Variants in MYO15B observed in about 807,000 individuals in gnomAD.
MYO15B encodes myosin XVB pseudogene.
Under a neutral mutation model 119.3 loss-of-function variants are expected in MYO15B, and 207 were observed. The observed-to-expected ratio is 1.73, with a 90% CI of 1.55 to 1.95. The LOEUF (loss-of-function observed/expected upper bound fraction) is 1.95. MYO15B is among the 30% of genes most tolerant of loss of function. The probability of loss-of-function intolerance (pLI) is 0.00; values close to 1 mark genes in which losing one functional copy is unlikely to be tolerated. For missense variants in MYO15B, 2,264 were observed against 1,203.1 expected (o/e 1.88, Z -13.04); for synonymous variants, 966 against 498.9 (o/e 1.94, Z -12.48).
chr17:75,592,400 G>A, intron 7 of MYO15B, 28 bp from the exon 8 acceptor site: 1 of 672,484 alleles, frequency 1.5e-6, no homozygotes, highest in South Asian at 1.6e-5. Flanking sequence ...CTAGGGCACT[G>A]AGCCCCTAAG....
intron 61 of MYO15B, 33 bp downstream of exon 61, chr17:75,625,693 G>A (rs1448187975): frequency 1.4e-6 from 1 of 702,414 alleles, no homozygotes; most frequent in Admixed American, 2.0e-5. Flanking sequence ...GCTGGGTGGG[G>A]GCTGGAGGCC....
chr17:75,622,142 G>C, intron 53 of MYO15B, 62 bp downstream of exon 53: 1 of 694,524 alleles, frequency 1.4e-6, no homozygotes. Flanking sequence ...GCCTGAAGGA[G>C]ATCCCCTTCT....
At chr17:75,595,499 G>A (rs1055506573) in intron 12 of MYO15B, among the ~76,000 whole-genome samples, 1 of 152,190 alleles carries the variant, frequency 6.6e-6, no homozygotes, top group African/African-American at 2.4e-5. Flanking sequence ...TGGGCAAGTG[G>A]ATGAACCTTT....
chr17:75,591,454 C>T (rs1042896284), intron 4 of MYO15B, 147 bp from the exon 5 acceptor site: 4 of 633,342 alleles, frequency 6.3e-6, no homozygotes, highest in Admixed American at 4.9e-5. Flanking sequence ...TGTCGGGTCT[C>T]TCCATGCCCT....
chr17:75,616,292 G>A lies in MYO15B; in HGVS notation c.6110-20G>A. On this transcript the variant is annotated intron_variant, in intron 37 of 63. Transcript: ENST00000645453. The stretch of plus-strand genomic sequence containing the variant: ...CTGGGCCAGTATGGGTAACTTTGAA[G>A]GCCATCTGGACACTTGCAGGGCAGC... 1 of 600,236 alleles carries A rather than the reference G, an allele frequency of 1.7e-6. No individual in the cohort carries two copies. Among genetic ancestry groups the A allele is most frequent in the Non-Finnish European group, 3.0e-6 (1 of 337,136 alleles). 37.2% of individuals were successfully genotyped at this position (600,236 alleles called of 1,614,324 possible). A position where few individuals can be genotyped will look rare whatever the true frequency, so the allele number is the denominator to read the frequency against.
Position 75,611,669 on chromosome 17 carries a change from T to C in MYO15B, c.4504+11T>C, listed in dbSNP as rs1310567955. 2 of 702,830 alleles carry C rather than the reference T, an allele frequency of 2.8e-6. No homozygotes were observed. Among genetic ancestry groups the C allele is most frequent in the South Asian group, 1.5e-5 (1 of 67,592 alleles). The allele number at this position is 702,830 out of a possible 1,614,324, so 43.5% of individuals were successfully genotyped here. A position where few individuals can be genotyped will look rare whatever the true frequency, so the allele number is the denominator to read the frequency against. On this transcript the variant is annotated intron_variant, in intron 24 of 63. Coordinates refer to ENST00000645453, the Ensembl canonical transcript of MYO15B. ...TGAAGACGGCGGAAAGTGAGTCTTG[T>C]TGGTGTCCTCTTGTTAGGACTCCTT...
chr17:75,605,465 G>A (rs903411802), intron 19 of MYO15B, 39 bp from the exon 20 acceptor site: 1 of 681,044 alleles, frequency 1.5e-6, no homozygotes, highest in African/African-American at 1.8e-5. Context: ...GTAAAAGGAG[G>A]TTCTGGCTAT....
intron 53 of MYO15B, 134 bp downstream of exon 53, chr17:75,622,214 G>A (rs895132905): frequency 1.6e-6 from 1 of 629,546 alleles, no homozygotes. Flanking sequence ...CGTGCAGGGG[G>A]GTGTGGCTGT....
At chr17:75,605,417 A>G (rs2057573711) in intron 19 of MYO15B, 87 bp from the exon 20 acceptor site, 1 of 642,340 alleles carries the variant, frequency 1.6e-6, no homozygotes, top group Non-Finnish European at 2.8e-6. Context: ...CGCCTGGGCA[A>G]AAGAGCGAGA....
chr17:75,591,146 T>C, intron 3 of MYO15B, 26 bp from the exon 4 acceptor site: 1 of 702,874 alleles, frequency 1.4e-6, no homozygotes, highest in East Asian at 2.7e-5. Context: ...GGTCCCCATG[T>C]CTGGCAACCT....
At chr17:75,617,664 G>A in intron 41 of MYO15B, 146 bp from the exon 42 acceptor site, 1 of 593,340 alleles carries the variant, frequency 1.7e-6, no homozygotes, top group Non-Finnish European at 3.0e-6. Flanking sequence ...GCAGGAGATG[G>A]TGCCATGGAA....
exon 17 of MYO15B, chr17:75,602,935 C>T (rs779761451): frequency 9.0e-5 from 62 of 691,096 alleles, no homozygotes; most frequent in Non-Finnish European, 1.3e-4. Flanking sequence ...CCTCATAGCC[C>T]GGCTGGGCAG....
chr17:75,604,568 C>G (rs1277136745), intron 19 of MYO15B, among the ~76,000 whole-genome samples: 1 of 125,696 alleles, frequency 8.0e-6, no homozygotes, highest in Non-Finnish European at 1.6e-5. Context: ...CTCCCACAAA[C>G]TTGTCTTGAG....
rs1410993007 is a variant in MYO15B, at chr17:75,625,911, CCT to C, written c.9007_9008del (p.Leu3003ValfsTer57). 3.6e-5 allele frequency: 25 copies of C among 702,588 alleles called. No homozygotes were observed. Among genetic ancestry groups the C allele is most frequent in the Admixed American group, 1.6e-4 (8 of 49,878 alleles). 43.5% of individuals were successfully genotyped at this position (702,588 alleles called of 1,614,324 possible). On this transcript the variant is annotated frameshift_variant, in exon 62 of 64. Transcript: ENST00000645453. LOFTEE classifies it high-confidence loss of function. ...GGGTGCTGCGAGTGAGCATGCAGGC[CCT>C]GTCCGGACCCACTCTCCTGGGGCTC...
At chr17:75,599,602 A>G (rs1196658711) in intron 14 of MYO15B, among the ~76,000 whole-genome samples, 1 of 152,016 alleles carries the variant, frequency 6.6e-6, no homozygotes, top group South Asian at 2.1e-4. Context: ...GATCTTTGAA[A>G]GACTTGGTTA....
intron 9 of MYO15B, among the ~76,000 whole-genome samples, chr17:75,594,106 A>AAAG (rs1555674122): frequency 5.3e-4 from 17 of 32,322 alleles, no homozygotes; most frequent in African/African-American, 8.9e-4. Context: ...AAAAAAAAAG[A>AAAG]AAAAAAAAAA....
At chr17:75,616,413 GAGC>G in exon 38 of MYO15B, 1 of 626,488 alleles carries the variant, frequency 1.6e-6, no homozygotes. Flanking sequence ...GGAGGAGGAG[GAGC>G]AGGAGGAGCA....
At chr17:75,615,996 C>A in intron 36 of MYO15B, 73 bp from the exon 37 acceptor site, 1 of 593,284 alleles carries the variant, frequency 1.7e-6, no homozygotes, top group Non-Finnish European at 3.0e-6. Flanking sequence ...TGGCCCAGGA[C>A]TGGGGACCCG....
At chr17:75,605,060 C>T (rs2057539133) in intron 19 of MYO15B, among the ~76,000 whole-genome samples, 1 of 151,866 alleles carries the variant, frequency 6.6e-6, no homozygotes, top group Non-Finnish European at 1.5e-5. Context: ...TCACTTGAAC[C>T]TGGGAGGTGG....
Sources: allele counts gnomAD v4.1 joint callset (sites outside exome capture counted in the v4.1 genomes callset), GRCh38; gene constraint gnomAD v4.1.1; transcripts MANE v1.5; gene names NCBI Gene and HGNC (gene_info 2026-07-23, HGNC 2026-07-21).